Variants in CPN1 observed in about 807,000 individuals in gnomAD.
CPN1 encodes carboxypeptidase N subunit 1.
In CPN1, 37 loss-of-function variants were observed where a neutral mutation model predicts 46.4. The observed-to-expected ratio is 0.80, with a 90% CI of 0.61 to 1.05. The LOEUF (loss-of-function observed/expected upper bound fraction) is 1.05, where lower values mean the gene tolerates loss of function less well. Ranked by LOEUF, CPN1 falls within the 50% of genes least tolerant of loss-of-function variation. The probability of loss-of-function intolerance (pLI) is 0.00; values close to 1 mark genes in which losing one functional copy is unlikely to be tolerated. For missense variants in CPN1, 563 were observed against 602.6 expected (o/e 0.93, Z 0.69); for synonymous variants, 224 against 235.4 (o/e 0.95, Z 0.44).
intron 1 of CPN1, among the ~76,000 whole-genome samples, chr10:100,079,006 C>G (rs190041256): frequency 6.6e-6 from 1 of 152,222 alleles, no homozygotes; most frequent in African/African-American, 2.4e-5. Flanking sequence ...TCCCTCTGCC[C>G]GTCATCTTTT....
intron 5 of CPN1, among the ~76,000 whole-genome samples, chr10:100,063,156 T>A (rs2133438728): frequency 6.6e-6 from 1 of 152,220 alleles, no homozygotes; most frequent in South Asian, 2.1e-4. Context: ...AGTCTCACTC[T>A]GTCACCCAGG....
chr10:100,042,626 T>C (rs756254887), intron 8 of CPN1, 53 bp from the exon 9 acceptor site: 2 of 1,610,784 alleles, frequency 1.2e-6, no homozygotes, highest in South Asian at 1.1e-5. Flanking sequence ...TCTTTTGCCA[T>C]AGTTCCAGTT....
At chr10:100,048,661 T>C (rs974786382) in intron 8 of CPN1, 97 bp downstream of exon 8, 4 of 918,464 alleles carry the variant, frequency 4.4e-6, no homozygotes, top group Non-Finnish European at 7.2e-6. Context: ...GTGGTGCCAC[T>C]GCACTCCAGC....
chr10:100,056,160 A>G (rs2133432304), intron 6 of CPN1, among the ~76,000 whole-genome samples: 1 of 152,274 alleles, frequency 6.6e-6, no homozygotes, highest in East Asian at 1.9e-4. Context: ...ACATTTGTGA[A>G]GTTCTGTTTT....
intron 2 of CPN1, among the ~76,000 whole-genome samples, 180 bp from the exon 3 acceptor site, chr10:100,070,049 A>G (rs1166283581): frequency 6.6e-6 from 1 of 151,918 alleles, no homozygotes; most frequent in Non-Finnish European, 1.5e-5. Flanking sequence ...CAGTCTCCTG[A>G]GTAGCTGGGA....
At chr10:100,055,884 T>G (rs1001878440) in intron 6 of CPN1, among the ~76,000 whole-genome samples, 1 of 152,254 alleles carries the variant, frequency 6.6e-6, no homozygotes, top group African/African-American at 2.4e-5. Flanking sequence ...CCACATTTGT[T>G]TATACAGTCA....
intron 1 of CPN1, among the ~76,000 whole-genome samples, chr10:100,077,449 T>C (rs2041522042): frequency 6.6e-6 from 1 of 152,118 alleles, no homozygotes; most frequent in African/African-American, 2.4e-5. Flanking sequence ...CAGGCTGGTC[T>C]CAAACTCCCG....
intron 2 of CPN1, among the ~76,000 whole-genome samples, chr10:100,075,535 T>C (rs1269653058): frequency 1.3e-5 from 2 of 152,218 alleles, no homozygotes; most frequent in Non-Finnish European, 2.9e-5. Context: ...ATGTAGGGTT[T>C]GATGCTGAAA....
chr10:100,075,919 CA>C lies in CPN1; in HGVS notation c.411del (p.Ala138LeufsTer11). 1 of 1,614,006 alleles carries C rather than the reference CA, an allele frequency of 6.2e-7. No homozygotes were observed. Among genetic ancestry groups the C allele is most frequent in the East Asian group, 2.2e-5 (1 of 44,886 alleles). On this transcript the variant is annotated frameshift_variant, in exon 2 of 9. Coordinates refer to ENST00000370418, the MANE Select transcript of CPN1 (RefSeq NM_001308.3). LOFTEE classifies it high-confidence loss of function. ...TCCCTTGGACCTCGTACCTGGGCAG[CA>C]GCCACCTCGTAGCCGTCGGGGTTCA... is the stretch of plus-strand genomic sequence containing the variant. ...PSMNPDGYEVAAAQGPNKPGY... is the reference protein window; with the variant it reads ...PSMNPDGYEVXAAQGPNKPGY...
intron 6 of CPN1, among the ~76,000 whole-genome samples, chr10:100,055,183 G>T (rs2041378348): frequency 6.6e-6 from 1 of 151,542 alleles, no homozygotes; most frequent in African/African-American, 2.4e-5. Flanking sequence ...GGTTGCAGTG[G>T]GCTTAGATCA....
intron 7 of CPN1, among the ~76,000 whole-genome samples, chr10:100,049,544 T>A (rs960424471): frequency 6.6e-6 from 1 of 152,226 alleles, no homozygotes; most frequent in Non-Finnish European, 1.5e-5. Flanking sequence ...ATTACAGGCA[T>A]GAGCCACCGA....
At position 100,057,076 on chromosome 10, in the gene CPN1, G is replaced by A. The variant is rs769892671; in HGVS notation, c.948C>T (p.Pro316=). 1.3e-5 allele frequency: 21 copies of A among 1,613,910 alleles called. No individual in the cohort carries two copies. The highest frequency in any genetic ancestry group is 2.2e-5 in the East Asian group (1 of 44,894). ...TLELSCDKFP[P]EEELQREWLG... ...GCCACTCCCGCTGTAACTCCTCTTC[G>A]GGGGGAAACTTGTCGCAACTCAGTT... Residue 316 remains proline, a synonymous_variant, in exon 6 of 9, where the codon CCC becomes CCT. Coordinates refer to ENST00000370418, the MANE Select transcript of CPN1 (RefSeq NM_001308.3).
chr10:100,075,871 G>A, intron 2 of CPN1, 40 bp downstream of exon 2: 1 of 1,597,398 alleles, frequency 6.3e-7, no homozygotes, highest in Non-Finnish European at 8.6e-7. Context: ...TTCCTAAGAA[G>A]GCCTTGATCT....
At chr10:100,061,358 T>A (rs745453323) in intron 5 of CPN1, among the ~76,000 whole-genome samples, 1 of 152,160 alleles carries the variant, frequency 6.6e-6, no homozygotes, top group Non-Finnish European at 1.5e-5. Context: ...TTCGTATGTA[T>A]CCATAAAAAT....
chr10:100,078,218 T>A (rs1438467169), intron 1 of CPN1, among the ~76,000 whole-genome samples: 1 of 151,914 alleles, frequency 6.6e-6, no homozygotes, highest in East Asian at 1.9e-4. Flanking sequence ...AGGCTAATTT[T>A]CTAAAAAAAA....
At chr10:100,067,656 G>A (rs79901767) in intron 3 of CPN1, among the ~76,000 whole-genome samples, 6,802 of 152,250 alleles carry the variant, frequency 0.045, 202 homozygotes, top group African/African-American at 0.082. Flanking sequence ...TGATCACCAG[G>A]GGTGGCAGTG....
At chr10:100,058,218 C>T (rs2041396364) in intron 5 of CPN1, among the ~76,000 whole-genome samples, 1 of 152,074 alleles carries the variant, frequency 6.6e-6, no homozygotes, top group African/African-American at 2.4e-5. Flanking sequence ...TCCCTTTTAA[C>T]ATTTCCAAAG....
chr10:100,058,881 C>T (rs1007014628), intron 5 of CPN1, among the ~76,000 whole-genome samples: 1 of 152,110 alleles, frequency 6.6e-6, no homozygotes, highest in African/African-American at 2.4e-5. Context: ...CCCAGAAACC[C>T]TTGCATATAT....
chr10:100,077,895 A>AT (rs1410879648), intron 1 of CPN1, among the ~76,000 whole-genome samples: 3 of 151,998 alleles, frequency 2.0e-5, no homozygotes, highest in Non-Finnish European at 4.4e-5. Context: ...TCTCCTATTT[A>AT]TTTAAAAAAA....
Sources: gnomAD v4.1 joint callset for allele counts (sites outside exome capture counted in the v4.1 genomes callset) on GRCh38, gnomAD v4.1.1 for gene constraint, MANE v1.5 for transcripts, NCBI Gene and HGNC (gene_info 2026-07-23, HGNC 2026-07-21) for gene names.